The following XRCC4 variants were observed in gnomAD, a reference collection of about 807,000 sequenced individuals.
The protein encoded by XRCC4 is DNA repair protein XRCC4.
A neutral mutation model predicts 39.1 loss-of-function variants in XRCC4; 28 were observed. The ratio of observed to expected loss-of-function variants is 0.72; its 90% CI spans 0.53 to 0.98. XRCC4 has a LOEUF of 0.98. XRCC4 is among the 50% of genes least tolerant of loss of function. The pLI is 0.00. For synonymous variants in XRCC4, 123 were observed against 126.4 expected, an observed-to-expected ratio of 0.97 and a Z score of 0.18; for missense variants, 350 against 376.4, an observed-to-expected ratio of 0.93 and a Z score of 0.58.
chr5:83,277,432 G>A (rs752195616), intron 7 of XRCC4, among the ~76,000 whole-genome samples: 4 of 152,220 alleles, frequency 2.6e-5, no homozygotes, highest in Non-Finnish European at 2.9e-5. Context: ...GAGATAGCAC[G>A]GAGTGGAGCC....
intron 3 of XRCC4, among the ~76,000 whole-genome samples, chr5:83,166,223 T>G (rs1749467313): frequency 6.6e-6 from 1 of 152,180 alleles, no homozygotes; most frequent in Non-Finnish European, 1.5e-5. Flanking sequence ...GATGGGCATT[T>G]ATGTTGATTC....
At chr5:83,320,317 C>G (rs1271104567) in intron 7 of XRCC4, among the ~76,000 whole-genome samples, 14 of 146,862 alleles carry the variant, frequency 9.5e-5, no homozygotes, top group African/African-American at 2.8e-4. Context: ...TGTAACTAAC[C>G]TGCACAATGT....
At chr5:83,103,132 TA>T (rs1048500104) in intron 1 of XRCC4, among the ~76,000 whole-genome samples, 25 of 151,318 alleles carry the variant, frequency 1.7e-4, no homozygotes, top group African/African-American at 6.1e-4. Context: ...AAGCTGTTTA[TA>T]AGGTTTATTT....
chr5:83,251,448 C>G (rs900619380), intron 6 of XRCC4, among the ~76,000 whole-genome samples: 2 of 142,970 alleles, frequency 1.4e-5, no homozygotes, highest in African/African-American at 5.1e-5. Flanking sequence ...GGCTTGAACC[C>G]GGGAGGTGGA....
chr5:83,310,583 G>A (rs937042397), intron 7 of XRCC4, among the ~76,000 whole-genome samples: 1 of 152,134 alleles, frequency 6.6e-6, no homozygotes, highest in African/African-American at 2.4e-5. Flanking sequence ...GGAATCTATG[G>A]TGACATGTGA....
intron 3 of XRCC4, among the ~76,000 whole-genome samples, chr5:83,169,579 A>G (rs544645659): frequency 6.6e-6 from 1 of 152,332 alleles, no homozygotes; most frequent in African/African-American, 2.4e-5. Flanking sequence ...CAAAAGACAA[A>G]GAGTAAGCCA....
intron 6 of XRCC4, among the ~76,000 whole-genome samples, chr5:83,251,173 A>G (rs541377829): frequency 2.0e-5 from 3 of 152,332 alleles, no homozygotes; most frequent in East Asian, 3.9e-4. Context: ...TGGAGGAATA[A>G]ATGAATTCTT....
At chr5:83,084,283 A>T (rs1271179521) in intron 1 of XRCC4, among the ~76,000 whole-genome samples, 3 of 152,202 alleles carry the variant, frequency 2.0e-5, no homozygotes, top group Non-Finnish European at 2.9e-5. Flanking sequence ...GAGTTAATGC[A>T]TTGTATAGCC....
intron 7 of XRCC4, among the ~76,000 whole-genome samples, chr5:83,278,454 C>T (rs1322662394): frequency 1.3e-5 from 2 of 152,122 alleles, no homozygotes; most frequent in Non-Finnish European, 2.9e-5. Flanking sequence ...TTACTTCTCA[C>T]AGTTTTGAAG....
At chr5:83,298,413 G>A (rs1330975062) in intron 7 of XRCC4, among the ~76,000 whole-genome samples, 1 of 151,862 alleles carries the variant, frequency 6.6e-6, no homozygotes, top group African/African-American at 2.4e-5. Flanking sequence ...ATCTAAGGCT[G>A]TATAATTTGA....
chr5:83,347,066 A>T (rs1260117954), intron 7 of XRCC4, among the ~76,000 whole-genome samples: 1 of 152,164 alleles, frequency 6.6e-6, no homozygotes, highest in Non-Finnish European at 1.5e-5. Flanking sequence ...AGGGCATTTA[A>T]AAATTGAACC....
At chr5:83,326,046 T>C (rs1756249174) in intron 7 of XRCC4, among the ~76,000 whole-genome samples, 1 of 151,930 alleles carries the variant, frequency 6.6e-6, no homozygotes, top group East Asian at 1.9e-4. Context: ...TGCACTTATG[T>C]CTTCTTTTGA....
At chr5:83,091,389 T>C (rs574270715) in intron 1 of XRCC4, among the ~76,000 whole-genome samples, 1 of 152,144 alleles carries the variant, frequency 6.6e-6, no homozygotes, top group Non-Finnish European at 1.5e-5. Context: ...TCCACTATTA[T>C]GAGAACAGCA....
chr5:83,084,235 A>T (rs958631610), intron 1 of XRCC4, among the ~76,000 whole-genome samples: 1 of 152,194 alleles, frequency 6.6e-6, no homozygotes, highest in Non-Finnish European at 1.5e-5. Flanking sequence ...CTTTAAAATA[A>T]TTGAAAGGTA....
At chr5:83,368,813 G>T in the XRCC4 span, among the ~76,000 whole-genome samples, 1 of 152,146 alleles carries the variant, frequency 6.6e-6, no homozygotes, top group Non-Finnish European at 1.5e-5. Flanking sequence ...CTCCATTAAT[G>T]GTGTGTTAAT....
chr5:83,223,601 T>C (rs769205304), intron 6 of XRCC4, among the ~76,000 whole-genome samples: 76 of 152,192 alleles, frequency 5.0e-4, no homozygotes, highest in Non-Finnish European at 8.8e-4. Flanking sequence ...ATCAACCCTC[T>C]TTCAGTCTGT....
intron 1 of XRCC4, among the ~76,000 whole-genome samples, chr5:83,087,406 T>C (rs996035125): frequency 2.6e-5 from 4 of 152,150 alleles, no homozygotes; most frequent in Non-Finnish European, 5.9e-5. Context: ...CTCACACTTG[T>C]AATCCCAGCA....
intron 7 of XRCC4, among the ~76,000 whole-genome samples, chr5:83,296,982 T>C (rs1755117755): frequency 6.6e-6 from 1 of 151,962 alleles, no homozygotes; most frequent in Non-Finnish European, 1.5e-5. Flanking sequence ...TTGCAAAGAA[T>C]GGATCATTCA....
intron 7 of XRCC4, among the ~76,000 whole-genome samples, chr5:83,287,254 A>C (rs1330190036): frequency 6.6e-6 from 1 of 152,104 alleles, no homozygotes; most frequent in South Asian, 2.1e-4. Flanking sequence ...ATAACATTTC[A>C]GGGACAATAT....
Sources: gnomAD v4.1 joint callset for allele counts (sites outside exome capture counted in the v4.1 genomes callset) on GRCh38, gnomAD v4.1.1 for gene constraint, MANE v1.5 for transcripts, NCBI Gene and HGNC (gene_info 2026-07-23, HGNC 2026-07-21) for gene names.